ZNF804A: variants seen among roughly 807,000 people sequenced by gnomAD.
The protein encoded by ZNF804A is zinc finger protein 804A.
A neutral mutation model predicts 16.5 loss-of-function variants in ZNF804A; 2 were observed. That is an observed-to-expected ratio of 0.12 (90% CI 0.05 to 0.38). The LOEUF is 0.38. Among genes scored for constraint, ZNF804A ranks in the 10% least tolerant of loss-of-function variants. ZNF804A has a pLI of 0.99. For missense variants in ZNF804A, 1,473 were observed against 1,390.7 expected (o/e 1.06, Z -0.94); for synonymous variants, 534 against 489.6 (o/e 1.09, Z -1.20).
chr2:184,821,508 A>G (rs1484944415), intron 1 of ZNF804A, among the ~76,000 whole-genome samples: 1 of 152,080 alleles, frequency 6.6e-6, no homozygotes, highest in East Asian at 1.9e-4. Context: ...GCATAGGTAA[A>G]TATTTCATGA....
intron 1 of ZNF804A, among the ~76,000 whole-genome samples, chr2:184,791,081 G>T (rs1694532563): frequency 6.6e-6 from 1 of 152,000 alleles, no homozygotes; most frequent in African/African-American, 2.4e-5. Flanking sequence ...CCAGTAGGTG[G>T]GTCTCTTGTG....
chr2:184,908,713 A>T (rs1014142975), intron 2 of ZNF804A, among the ~76,000 whole-genome samples: 1 of 152,158 alleles, frequency 6.6e-6, no homozygotes, highest in East Asian at 1.9e-4. Flanking sequence ...AACAGTATAT[A>T]AAATGTGCTT....
intron 1 of ZNF804A, among the ~76,000 whole-genome samples, chr2:184,770,781 A>G (rs969938926): frequency 2.0e-5 from 3 of 152,056 alleles, no homozygotes; most frequent in African/African-American, 7.2e-5. Context: ...AAAGATATAT[A>G]GAAACCCAAA....
At chr2:184,704,311 C>A (rs1479329185) in intron 1 of ZNF804A, among the ~76,000 whole-genome samples, 1 of 152,016 alleles carries the variant, frequency 6.6e-6, no homozygotes, top group Non-Finnish European at 1.5e-5. Flanking sequence ...CTCCAACATG[C>A]CTGACTAATT....
intron 1 of ZNF804A, among the ~76,000 whole-genome samples, chr2:184,658,334 G>A (rs1248838535): frequency 6.6e-6 from 1 of 152,072 alleles, no homozygotes; most frequent in African/African-American, 2.4e-5. Context: ...AAATTAGCTG[G>A]GCGTGGTGGC....
chr2:184,854,153 A>T (rs1248907175), intron 1 of ZNF804A, among the ~76,000 whole-genome samples: 2 of 151,864 alleles, frequency 1.3e-5, no homozygotes, highest in African/African-American at 4.8e-5. Context: ...TGTCCCTAAT[A>T]CAAAAATCTG....
intron 1 of ZNF804A, among the ~76,000 whole-genome samples, chr2:184,736,150 C>T (rs1693607744): frequency 6.6e-6 from 1 of 152,130 alleles, no homozygotes; most frequent in Admixed American, 6.5e-5. Flanking sequence ...GTCTAGGCTA[C>T]ACCTTAAGTT....
At chr2:184,684,804 C>T (rs1261002074) in intron 1 of ZNF804A, among the ~76,000 whole-genome samples, 1 of 151,826 alleles carries the variant, frequency 6.6e-6, no homozygotes, top group Non-Finnish European at 1.5e-5. Flanking sequence ...TGAGAATGTA[C>T]GGTGTTTGAT....
chr2:184,688,067 C>T lies in ZNF804A; in HGVS notation c.111+88997C>T, dbSNP rs183366458. Among the ~76,000 whole-genome samples, 39 of 152,104 alleles carry T rather than the reference C, an allele frequency of 2.6e-4. 1 individual carries two copies. The highest frequency in any genetic ancestry group is 1.4e-3 in the Admixed American group (21 of 15,268). On this transcript the variant is annotated intron_variant, in intron 1 of 3. Coordinates refer to ENST00000302277, the MANE Select transcript of ZNF804A (RefSeq NM_194250.2). ...CCGGGAGGCAGAGGTTGCAGTGAGC[C>T]GAAATCGTACCACTGCACTGCAGCC...
At chr2:184,885,190 C>G (rs1229048458) in intron 2 of ZNF804A, among the ~76,000 whole-genome samples, 1 of 152,036 alleles carries the variant, frequency 6.6e-6, no homozygotes, top group African/African-American at 2.4e-5. Flanking sequence ...AAAAAAACGA[C>G]AGGCTCTAGC....
chr2:184,843,118 A>G (rs1295048608), intron 1 of ZNF804A, among the ~76,000 whole-genome samples: 2 of 152,138 alleles, frequency 1.3e-5, no homozygotes, highest in African/African-American at 4.8e-5. Flanking sequence ...TCCAGCTGCT[A>G]TCACCTGAAC....
At chr2:184,874,379 A>G (rs1696021016) in intron 2 of ZNF804A, among the ~76,000 whole-genome samples, 1 of 152,170 alleles carries the variant, frequency 6.6e-6, no homozygotes, top group Admixed American at 6.5e-5. Flanking sequence ...CTCACATCAC[A>G]TACTACATAA....
At chr2:184,736,542 C>T (rs1693616255) in intron 1 of ZNF804A, among the ~76,000 whole-genome samples, 2 of 151,978 alleles carry the variant, frequency 1.3e-5, no homozygotes, top group Admixed American at 1.3e-4. Flanking sequence ...GATGGGAACA[C>T]ATGGACACAG....
intron 1 of ZNF804A, among the ~76,000 whole-genome samples, chr2:184,697,378 T>C (rs1302766223): frequency 2.0e-5 from 3 of 152,086 alleles, no homozygotes; most frequent in African/African-American, 7.2e-5. Context: ...ATGAGACACT[T>C]AACAGAATCC....
intron 1 of ZNF804A, among the ~76,000 whole-genome samples, chr2:184,727,935 T>C (rs1693440695): frequency 6.6e-6 from 1 of 151,726 alleles, no homozygotes; most frequent in Non-Finnish European, 1.5e-5. Context: ...AACATTCAAC[T>C]GGTAAATGGC....
intron 1 of ZNF804A, among the ~76,000 whole-genome samples, chr2:184,827,874 A>G (rs1034294391): frequency 6.6e-6 from 1 of 151,688 alleles, no homozygotes; most frequent in African/African-American, 2.4e-5. Context: ...TTACACGTTG[A>G]TATTCCAAAT....
At chr2:184,608,363 A>C (rs2105669874) in intron 1 of ZNF804A, among the ~76,000 whole-genome samples, 1 of 152,324 alleles carries the variant, frequency 6.6e-6, no homozygotes, top group African/African-American at 2.4e-5. Flanking sequence ...ACTGTGATAA[A>C]GAAAAGACAA....
chr2:184,616,275 T>C (rs1363416214), intron 1 of ZNF804A, among the ~76,000 whole-genome samples: 2 of 152,144 alleles, frequency 1.3e-5, no homozygotes, highest in African/African-American at 4.8e-5. Flanking sequence ...CCTGAGTCAG[T>C]TATTTAACCT....
At chr2:184,733,494 T>C (rs764717444) in intron 1 of ZNF804A, among the ~76,000 whole-genome samples, 5 of 152,170 alleles carry the variant, frequency 3.3e-5, no homozygotes, top group Non-Finnish European at 7.4e-5. Flanking sequence ...GGTTTCCTTA[T>C]CTTTGTCTGA....
Sources: gnomAD v4.1 joint callset for allele counts (sites outside exome capture counted in the v4.1 genomes callset) on GRCh38, gnomAD v4.1.1 for gene constraint, MANE v1.5 for transcripts, NCBI Gene and HGNC (gene_info 2026-07-23, HGNC 2026-07-21) for gene names.